HMGN4: variants seen among roughly 807,000 people sequenced by gnomAD.
HMGN4 encodes the protein high mobility group nucleosome-binding domain-containing protein 4.
For missense variants in HMGN4, 69 were observed against 104.9 expected (o/e 0.66, Z 1.49); for synonymous variants, 39 against 39.1 (o/e 1.00, Z 0.01).
At position 26,542,624 on chromosome 6, in the gene HMGN4, C is replaced by T. The variant is rs1292434929; in HGVS notation, c.-80-2503C>T. On this transcript the variant is annotated intron_variant, in intron 1 of 1. Transcript: ENST00000377575. This position sits in a 1 kb window ranked among gnomAD's most constrained non-coding sequence, Gnocchi z 4.6. The stretch of plus-strand genomic sequence containing the variant: ...TTATGGAAATGGTAAGAGCTTTTAC[C>T]CATCTCTCTGGTCCCTTTTCATTAT... 6.6e-6 allele frequency among the ~76,000 whole-genome samples: 1 copy of T among 152,154 alleles called. No individual in the cohort carries two copies. The highest frequency in any genetic ancestry group is 1.5e-5 in the Non-Finnish European group (1 of 68,030).
rs1005950650 is a variant in HMGN4 at position 26,546,694 on chromosome 6, T to C, written c.*1215T>C. ...ACCACAAAATTGTTCTTCCTTGGAGTGTCTTGGCTATTCTTAGCCAACTGT... is the reference window on the plus strand; with the variant it reads ...ACCACAAAATTGTTCTTCCTTGGAGCGTCTTGGCTATTCTTAGCCAACTGT... On this transcript the variant is annotated 3_prime_UTR_variant, in exon 2 of 2. Transcript: ENST00000377575. Among the ~76,000 whole-genome samples the C allele has an allele frequency of 6.6e-6, 1 of 152,214 alleles. No homozygotes were observed. Among genetic ancestry groups the C allele is most frequent in the African/African-American group, 2.4e-5 (1 of 41,458 alleles).
chr6:26,545,516 T>C lies in HMGN4; in HGVS notation c.*37T>C. 1 of 1,482,690 alleles carries C rather than the reference T, an allele frequency of 6.7e-7. No homozygotes were observed. Among genetic ancestry groups the C allele is most frequent in the Admixed American group, 2.4e-5 (1 of 42,266 alleles). The allele number at this position is 1,482,690 out of a possible 1,614,324, so 91.8% of individuals were successfully genotyped here. ...TTGAGAGCTCTGTACTTATAGTGAC[T>C]CTACTGTTTGAAATACTATTTTTTT... On this transcript the variant is annotated 3_prime_UTR_variant, in exon 2 of 2. Transcript: ENST00000377575.
chr6:26,540,384 G>A (rs1764274915), intron 1 of HMGN4, among the ~76,000 whole-genome samples: 1 of 151,484 alleles, frequency 6.6e-6, no homozygotes, highest in East Asian at 1.9e-4. Flanking sequence ...ACCCAGGCTG[G>A]AGTGCAGTGG....
intron 1 of HMGN4, among the ~76,000 whole-genome samples, chr6:26,540,732 C>T (rs559497006): frequency 2.5e-4 from 38 of 152,238 alleles, no homozygotes; most frequent in Non-Finnish European, 4.3e-4. Context: ...CCCTCCAACC[C>T]CCAAACACGA....
At position 26,542,537 on chromosome 6, in the gene HMGN4, TTTC is replaced by T. The variant is rs2113582945; in HGVS notation, c.-80-2585_-80-2583del. Among the ~76,000 whole-genome samples, 2 of 152,322 alleles carry T rather than the reference TTTC, an allele frequency of 1.3e-5. No individual in the cohort carries two copies. Among genetic ancestry groups the T allele is most frequent in the South Asian group, 2.1e-4 (1 of 4,832 alleles). ...ATCTCTTCTGCGCCACCTCAAATAA[TTTC>T]TTCTGAGTTAAAACCACTGTGTGGT... On this transcript the variant is annotated intron_variant, in intron 1 of 1. Transcript: ENST00000377575. This position sits in a 1 kb window ranked among gnomAD's most constrained non-coding sequence, Gnocchi z 4.6.
At chr6:26,544,790 T>G (rs1419373002) in intron 1 of HMGN4, among the ~76,000 whole-genome samples, 1 of 152,242 alleles carries the variant, frequency 6.6e-6, no homozygotes, top group African/African-American at 2.4e-5. Flanking sequence ...TTATATCCTA[T>G]GCTTTTAATA....
chr6:26,538,920 C>A (rs2113579869), intron 1 of HMGN4, among the ~76,000 whole-genome samples: 1 of 152,322 alleles, frequency 6.6e-6, no homozygotes, highest in South Asian at 2.1e-4. Flanking sequence ...CTTCGAGAAA[C>A]CCTCGTTGAG....
chr6:26,543,082 G>A (rs1413388041), intron 1 of HMGN4, among the ~76,000 whole-genome samples: 1 of 152,138 alleles, frequency 6.6e-6, no homozygotes, highest in Non-Finnish European at 1.5e-5. Context: ...AAAAATATAT[G>A]CAGAATATTT....
chr6:26,540,165 CT>C (rs1444702514), intron 1 of HMGN4, among the ~76,000 whole-genome samples: 3 of 152,088 alleles, frequency 2.0e-5, no homozygotes, highest in South Asian at 4.1e-4. Flanking sequence ...GTTTTCTCAT[CT>C]TTCCTTTCTA....
chr6:26,539,634 T>TAAAAAAAAA (rs61003052), intron 1 of HMGN4, among the ~76,000 whole-genome samples: 14 of 125,162 alleles, frequency 1.1e-4, no homozygotes, highest in South Asian at 2.6e-4. Context: ...TCCGCAAAAT[T>TAAAAAAAAA]AAAAAAAAAA....
At position 26,545,272 on chromosome 6, in the gene HMGN4, G is replaced by C. The variant is rs1350222692; in HGVS notation, c.66G>C (p.Gln22His). The C allele has an allele frequency of 6.2e-7, 1 of 1,614,136 alleles. No individual in the cohort carries two copies. The highest frequency in any genetic ancestry group is 1.1e-5 in the South Asian group (1 of 91,078). ...AAGCAAAGGTGAAGGATGAGCCACA[G>C]AGGAGATCAGCTCGGTTGTCTGCTA... ...GDKAKVKDEP[Q>H]RRSARLSAKP... is the part of the protein sequence containing the mutation. The change falls in exon 2 of 2, where the codon CAG becomes CAC. Residue 22 changes from glutamine (Q) to histidine (H), a missense_variant. Transcript: ENST00000377575.
At chr6:26,543,877 C>A (rs202004251) in intron 1 of HMGN4, among the ~76,000 whole-genome samples, 1 of 150,610 alleles carries the variant, frequency 6.6e-6, no homozygotes, top group East Asian at 2.0e-4. Flanking sequence ...CAGAATTTCC[C>A]AGTAAATGTT....
Position 26,542,858 on chromosome 6 carries a change from C to T in HMGN4, c.-80-2269C>T, listed in dbSNP as rs1021216177. Among the ~76,000 whole-genome samples, 1 of 152,158 alleles carries T rather than the reference C, an allele frequency of 6.6e-6. No individual in the cohort carries two copies. The highest frequency in any genetic ancestry group is 2.4e-5 in the African/African-American group (1 of 41,430). ...TGTGGAGATCATGGCCCCCCTACTTCGGATGGACTTCAATGGATCTAACTC... is the reference window on the plus strand; with the variant it reads ...TGTGGAGATCATGGCCCCCCTACTTTGGATGGACTTCAATGGATCTAACTC... On this transcript the variant is annotated intron_variant, in intron 1 of 1. Transcript: ENST00000377575. The surrounding 1 kb of genome is among the most constrained non-coding windows in gnomAD (Gnocchi z 4.6).
chr6:26,539,002 C>T (rs1764254028), intron 1 of HMGN4, among the ~76,000 whole-genome samples: 1 of 152,154 alleles, frequency 6.6e-6, no homozygotes, highest in African/African-American at 2.4e-5. Flanking sequence ...AAATGGATCC[C>T]AAAGTTAAGA....
At chr6:26,541,815 A>T (rs1385080342) in intron 1 of HMGN4, among the ~76,000 whole-genome samples, 1 of 152,200 alleles carries the variant, frequency 6.6e-6, no homozygotes, top group Non-Finnish European at 1.5e-5. Flanking sequence ...TTAAATTGAG[A>T]GCTTTCATGA....
At chr6:26,544,182 C>A (rs1463089590) in intron 1 of HMGN4, among the ~76,000 whole-genome samples, 3 of 152,202 alleles carry the variant, frequency 2.0e-5, no homozygotes, top group South Asian at 4.1e-4. Context: ...GGACTAACCT[C>A]CATGCCTTCT....
At chr6:26,541,108 G>A (rs576424723) in intron 1 of HMGN4, among the ~76,000 whole-genome samples, 10 of 152,042 alleles carry the variant, frequency 6.6e-5, no homozygotes, top group South Asian at 4.2e-4. Flanking sequence ...GTGCAGTGGC[G>A]CAATCTCGGC....
chr6:26,542,144 T>C lies in HMGN4; in HGVS notation c.-80-2983T>C, dbSNP rs1404401652. 1.3e-5 allele frequency among the ~76,000 whole-genome samples: 2 copies of C among 152,230 alleles called. No homozygotes were observed. The highest frequency in any genetic ancestry group is 2.4e-5 in the African/African-American group (1 of 41,462). ...CATGAAGGAGTATTTGTAATGACTT[T>C]TATATTTTATCATTAACATTATTTT... On this transcript the variant is annotated intron_variant, in intron 1 of 1. Transcript: ENST00000377575. The surrounding 1 kb of genome is among the most constrained non-coding windows in gnomAD (Gnocchi z 4.6).
rs2113586004 is a variant in HMGN4, at chr6:26,546,444, C to T, written c.*965C>T. On this transcript the variant is annotated 3_prime_UTR_variant, in exon 2 of 2. Transcript: ENST00000377575. ...CTGCACTATTTACTGAAAAGTTCATCCTTTCCCCAGTGATTTGTAACACTG... is the reference window on the plus strand; with the variant it reads ...CTGCACTATTTACTGAAAAGTTCATTCTTTCCCCAGTGATTTGTAACACTG... Among the ~76,000 whole-genome samples, 1 of 152,318 alleles carries T rather than the reference C, an allele frequency of 6.6e-6. No homozygotes were observed. Among genetic ancestry groups the T allele is most frequent in the East Asian group, 1.9e-4 (1 of 5,192 alleles).
Sources: gnomAD v4.1 joint callset for allele counts (sites outside exome capture counted in the v4.1 genomes callset) on GRCh38, gnomAD v4.1.1 for gene constraint, Gnocchi (gnomAD v3.1) non-coding constraint, MANE v1.5 for transcripts, NCBI Gene and HGNC (gene_info 2026-07-23, HGNC 2026-07-21) for gene names.